The following MRPL45 variants were observed in gnomAD, a reference collection of about 807,000 sequenced individuals.
MRPL45 encodes the protein large ribosomal subunit protein mL45.
Under a neutral mutation model 38.1 loss-of-function variants are expected in MRPL45, and 20 were observed. That is an observed-to-expected ratio of 0.53 (90% CI 0.37 to 0.76). MRPL45 has a LOEUF of 0.76. MRPL45 is among the 30% of genes least tolerant of loss of function. The pLI is 0.00. For missense variants in MRPL45, 337 were observed against 395.6 expected, an observed-to-expected ratio of 0.85 and a Z score of 1.26; for synonymous variants, 105 against 128.8, an observed-to-expected ratio of 0.82 and a Z score of 1.25.
chr17:38,314,381 G>A (rs1223519810), intron 4 of MRPL45, among the ~76,000 whole-genome samples: 1 of 152,232 alleles, frequency 6.6e-6, no homozygotes, highest in Admixed American at 6.5e-5. Flanking sequence ...TGGGATTACA[G>A]GCGTGAGCCA....
chr17:38,307,635 A>G (rs1223177845), intron 4 of MRPL45, among the ~76,000 whole-genome samples: 4 of 152,084 alleles, frequency 2.6e-5, no homozygotes, highest in African/African-American at 9.7e-5. Flanking sequence ...ATGAGCCACC[A>G]TACCTGGCCA....
chr17:38,316,774 T>C (rs1180537853), intron 4 of MRPL45, among the ~76,000 whole-genome samples: 3 of 142,708 alleles, frequency 2.1e-5, no homozygotes, highest in Non-Finnish European at 4.5e-5. Context: ...AGCAAAAGTG[T>C]ATTTGTCTGT....
At chr17:38,314,610 T>C (rs1443927319) in intron 4 of MRPL45, among the ~76,000 whole-genome samples, 1 of 152,208 alleles carries the variant, frequency 6.6e-6, no homozygotes, top group African/African-American at 2.4e-5. Flanking sequence ...CACATTTAGG[T>C]CTTTGCTCCA....
intron 4 of MRPL45, among the ~76,000 whole-genome samples, chr17:38,307,224 C>T (rs142421279): frequency 0.034 from 5,187 of 151,930 alleles, 123 homozygotes; most frequent in Non-Finnish European, 0.047. Flanking sequence ...TTAGTAGAGA[C>T]GGGGTTTCAT....
At chr17:38,319,122 G>T (rs1038262763) in intron 5 of MRPL45, among the ~76,000 whole-genome samples, 34 of 151,560 alleles carry the variant, frequency 2.2e-4, no homozygotes, top group Non-Finnish European at 4.6e-4. Context: ...TGCAAGCTCC[G>T]CCTCCCGGGT....
chr17:38,309,745 C>CACCA (rs1400791136), intron 4 of MRPL45, among the ~76,000 whole-genome samples: 1 of 151,630 alleles, frequency 6.6e-6, no homozygotes, highest in Non-Finnish European at 1.5e-5. Flanking sequence ...AGGCATGTGC[C>CACCA]ACCACACTGG....
chr17:38,315,465 C>T (rs1402183921), intron 4 of MRPL45, among the ~76,000 whole-genome samples: 2 of 149,652 alleles, frequency 1.3e-5, no homozygotes, highest in African/African-American at 4.9e-5. Flanking sequence ...ACAGGGGTCT[C>T]GCTTTGTTGC....
chr17:38,316,126 G>A (rs2037170841), intron 4 of MRPL45, among the ~76,000 whole-genome samples: 1 of 151,764 alleles, frequency 6.6e-6, no homozygotes, highest in Non-Finnish European at 1.5e-5. Flanking sequence ...CTTTTTCTGG[G>A]ACTCCTATGA....
chr17:38,299,813 C>T (rs1385232938), intron 3 of MRPL45, among the ~76,000 whole-genome samples: 4 of 151,766 alleles, frequency 2.6e-5, no homozygotes, highest in Non-Finnish European at 4.4e-5. Flanking sequence ...CTTGGCTCAC[C>T]GCAACCTCCG....
chr17:38,306,956 C>T (rs1199334247), intron 4 of MRPL45, among the ~76,000 whole-genome samples: 1 of 152,146 alleles, frequency 6.6e-6, no homozygotes, highest in East Asian at 1.9e-4. Context: ...GTTTGTCTTA[C>T]GTATCTTCAT....
chr17:38,298,925 G>A (rs1288120902), intron 2 of MRPL45, among the ~76,000 whole-genome samples: 1 of 151,934 alleles, frequency 6.6e-6, no homozygotes, highest in Non-Finnish European at 1.5e-5. Context: ...TTTTGAGACA[G>A]AGTCTCGTTC....
At position 38,322,079 on chromosome 17, in the gene MRPL45, C is replaced by T. The variant is rs190348870; in HGVS notation, c.661-47C>T. 831 of 1,581,560 alleles carry T rather than the reference C, an allele frequency of 5.3e-4. 5 individuals are homozygous for T. The African/African-American group carries it at 9.8e-3, about 19-fold the overall frequency. On this transcript the variant is annotated intron_variant, in intron 6 of 7. Coordinates refer to ENST00000613675, the MANE Select transcript of MRPL45 (RefSeq NM_032351.6). Reference sequence around the variant, plus strand: ...GGCAATAAAACAAACAACTCACACTCACACACCAAAAAAACTAAGAGGCCA... The same window carrying T: ...GGCAATAAAACAAACAACTCACACTTACACACCAAAAAAACTAAGAGGCCA...
chr17:38,309,425 G>A (rs1374280906), intron 4 of MRPL45, among the ~76,000 whole-genome samples: 1 of 151,554 alleles, frequency 6.6e-6, no homozygotes, highest in Admixed American at 6.6e-5. Flanking sequence ...GAGGGGCTGA[G>A]GCAGGAGAAT....
chr17:38,310,992 A>G (rs1016138243), intron 4 of MRPL45, among the ~76,000 whole-genome samples: 1 of 152,134 alleles, frequency 6.6e-6, no homozygotes, highest in African/African-American at 2.4e-5. Context: ...AAGATTAATA[A>G]TAGCTTTTAT....
chr17:38,309,913 C>T (rs1375446686), intron 4 of MRPL45, among the ~76,000 whole-genome samples: 1 of 152,118 alleles, frequency 6.6e-6, no homozygotes, highest in East Asian at 1.9e-4. Context: ...TCTGAATACA[C>T]ATATGTTAGA....
chr17:38,310,451 C>G (rs1200890629), intron 4 of MRPL45, among the ~76,000 whole-genome samples: 3 of 151,926 alleles, frequency 2.0e-5, no homozygotes, highest in Non-Finnish European at 4.4e-5. Context: ...TTCTCAGTCC[C>G]TGGAGTAGCT....
chr17:38,318,018 A>T (rs1270264000), intron 4 of MRPL45, among the ~76,000 whole-genome samples: 2 of 151,786 alleles, frequency 1.3e-5, no homozygotes, highest in African/African-American at 4.8e-5. Context: ...ATATAAGGCT[A>T]AAAACATGGT....
intron 4 of MRPL45, among the ~76,000 whole-genome samples, chr17:38,314,657 G>A (rs926498757): frequency 1.3e-5 from 2 of 152,140 alleles, no homozygotes; most frequent in African/African-American, 4.8e-5. Context: ...AAAACTATGT[G>A]ATGTTTTTGC....
chr17:38,313,680 T>C (rs2037147653), intron 4 of MRPL45, among the ~76,000 whole-genome samples: 1 of 151,606 alleles, frequency 6.6e-6, no homozygotes, highest in Non-Finnish European at 1.5e-5. Context: ...TTTTTTTTTT[T>C]GAGTTGAAGT....
Sources: allele counts gnomAD v4.1 joint callset (sites outside exome capture counted in the v4.1 genomes callset), GRCh38; gene constraint gnomAD v4.1.1; transcripts MANE v1.5; gene names NCBI Gene and HGNC (gene_info 2026-07-23, HGNC 2026-07-21).